Variants in THSD7A observed in about 807,000 individuals in gnomAD.
THSD7A encodes the protein thrombospondin type 1 domain containing 7A.
Under a neutral mutation model 231.3 loss-of-function variants are expected in THSD7A, and 96 were observed. The ratio of observed to expected loss-of-function variants is 0.41; its 90% CI spans 0.35 to 0.49. The LOEUF (loss-of-function observed/expected upper bound fraction) is 0.49. THSD7A is among the 20% of genes least tolerant of loss of function. The pLI is 0.05. For synonymous variants in THSD7A, 940 were observed against 743.3 expected (o/e 1.26, Z -4.30); for missense variants, 2,290 against 2,070.2 (o/e 1.11, Z -2.06).
intron 4 of THSD7A, among the ~76,000 whole-genome samples, chr7:11,582,715 AAT>A (rs1791218393): frequency 6.6e-6 from 1 of 152,176 alleles, no homozygotes; most frequent in Non-Finnish European, 1.5e-5. Context: ...CAGAACTCTG[AAT>A]ATATAATTAG....
chr7:11,768,696 A>T (rs1783107916), intron 1 of THSD7A, among the ~76,000 whole-genome samples: 1 of 152,138 alleles, frequency 6.6e-6, no homozygotes. Flanking sequence ...AATATTTTAT[A>T]CCTTAGTTTG....
intron 1 of THSD7A, among the ~76,000 whole-genome samples, chr7:11,691,814 A>G (rs1474117974): frequency 1.3e-5 from 2 of 151,478 alleles, no homozygotes; most frequent in Non-Finnish European, 3.0e-5. Context: ...AATGATATTG[A>G]AATAGAAAAA....
chr7:11,499,186 G>A (rs774035619), intron 6 of THSD7A, among the ~76,000 whole-genome samples: 5 of 152,160 alleles, frequency 3.3e-5, no homozygotes, highest in Admixed American at 6.5e-5. Flanking sequence ...ACTCCTGTGG[G>A]ATCCACACAC....
At chr7:11,395,772 C>T (rs1004893840) in intron 23 of THSD7A, among the ~76,000 whole-genome samples, 5 of 152,168 alleles carry the variant, frequency 3.3e-5, no homozygotes, top group Middle Eastern at 3.4e-3. Context: ...GTAATCCGCC[C>T]GCCTCGGCCT....
At position 11,593,335 on chromosome 7, in the gene THSD7A, A is replaced by G. The variant is rs115505710; in HGVS notation, c.1190T>C (p.Ile397Thr). 682 of 1,613,958 alleles carry G rather than the reference A, an allele frequency of 4.2e-4. 2 individuals are homozygous for G. The African/African-American group carries it at 8.4e-3, about 20-fold the overall frequency. The change falls in exon 3 of 28, where the codon ATT becomes ACT. Residue 397 changes from isoleucine to threonine, a missense_variant. Physicochemically the swap from Ile to Thr is moderately conservative, Grantham distance 89. Coordinates refer to ENST00000423059, the MANE Select transcript of THSD7A (RefSeq NM_015204.3). The stretch of plus-strand genomic sequence containing the variant: ...TTCTGGACACTCCTTTTCACTGCCA[A>G]TGGGAAACTGCCTGATGGTTCGTGT... ...VRTRTIRQFP[I>T]GSEKECPEFE...
chr7:11,565,647 CA>C (rs1390194736), intron 4 of THSD7A, among the ~76,000 whole-genome samples: 1 of 152,124 alleles, frequency 6.6e-6, no homozygotes, highest in Non-Finnish European at 1.5e-5. Flanking sequence ...AGTATGGCTC[CA>C]AAGATTTTGG....
At chr7:11,596,250 G>A (rs1250831141) in intron 2 of THSD7A, among the ~76,000 whole-genome samples, 1 of 152,174 alleles carries the variant, frequency 6.6e-6, no homozygotes, top group Non-Finnish European at 1.5e-5. Context: ...CATTGGGAAA[G>A]GGAAATGATC....
intron 1 of THSD7A, among the ~76,000 whole-genome samples, chr7:11,828,835 A>G (rs953105909): frequency 3.3e-5 from 5 of 152,240 alleles, no homozygotes; most frequent in Middle Eastern, 6.8e-3. Context: ...CTTGAACAAC[A>G]TGATTTGATT....
At chr7:11,597,330 G>A (rs1024814926) in intron 2 of THSD7A, among the ~76,000 whole-genome samples, 20 of 152,192 alleles carry the variant, frequency 1.3e-4, no homozygotes, top group African/African-American at 4.8e-4. Context: ...GGATTTTGGA[G>A]GGAACACATT....
intron 9 of THSD7A, among the ~76,000 whole-genome samples, chr7:11,466,502 G>A (rs1020457025): frequency 6.6e-6 from 1 of 152,032 alleles, no homozygotes; most frequent in African/African-American, 2.4e-5. Flanking sequence ...AAAGCATCTT[G>A]GCACTGTTAT....
intron 4 of THSD7A, among the ~76,000 whole-genome samples, chr7:11,549,240 C>T (rs1315105514): frequency 5.9e-5 from 9 of 152,002 alleles, no homozygotes; most frequent in Non-Finnish European, 4.4e-5. Flanking sequence ...AGTCAAGAAA[C>T]AATACATGCT....
intron 1 of THSD7A, among the ~76,000 whole-genome samples, chr7:11,774,784 A>G (rs1211845358): frequency 1.3e-5 from 2 of 152,198 alleles, no homozygotes; most frequent in Non-Finnish European, 2.9e-5. Context: ...GCCAGGTGCT[A>G]TGGCTCACAC....
At chr7:11,654,333 A>C (rs1782629115) in intron 1 of THSD7A, among the ~76,000 whole-genome samples, 1 of 151,956 alleles carries the variant, frequency 6.6e-6, no homozygotes, top group African/African-American at 2.4e-5. Context: ...AATTCTGATG[A>C]AAGGATGTGC....
intron 1 of THSD7A, among the ~76,000 whole-genome samples, chr7:11,761,176 A>T (rs1259979972): frequency 6.6e-6 from 1 of 151,870 alleles, no homozygotes; most frequent in Non-Finnish European, 1.5e-5. Context: ...TTTATATTCA[A>T]TTTTTAAAAA....
chr7:11,454,584 T>G (rs997152571), intron 11 of THSD7A, among the ~76,000 whole-genome samples: 2 of 151,654 alleles, frequency 1.3e-5, no homozygotes, highest in Non-Finnish European at 2.9e-5. Flanking sequence ...TTTTCAATTC[T>G]TCAGTGATTA....
intron 1 of THSD7A, among the ~76,000 whole-genome samples, chr7:11,825,497 C>T (rs1784999265): frequency 6.6e-6 from 1 of 152,080 alleles, no homozygotes; most frequent in Admixed American, 6.6e-5. Flanking sequence ...AGAAAAGATG[C>T]TTAAGAGAAG....
intron 1 of THSD7A, among the ~76,000 whole-genome samples, chr7:11,812,263 C>A (rs772108533): frequency 6.6e-6 from 1 of 151,792 alleles, no homozygotes; most frequent in East Asian, 1.9e-4. Flanking sequence ...TAAACTCCTG[C>A]GTTATTTACT....
intron 23 of THSD7A, among the ~76,000 whole-genome samples, chr7:11,401,175 T>C (rs1783389622): frequency 6.6e-6 from 1 of 152,208 alleles, no homozygotes; most frequent in South Asian, 2.1e-4. Context: ...TGTCATTTGA[T>C]TTAAATAAAT....
chr7:11,660,903 G>A (rs1232905571), intron 1 of THSD7A, among the ~76,000 whole-genome samples: 1 of 151,420 alleles, frequency 6.6e-6, no homozygotes, highest in Non-Finnish European at 1.5e-5. Flanking sequence ...TAAAACAACA[G>A]AGACATATTA....
Sources: gnomAD v4.1 joint callset for allele counts (sites outside exome capture counted in the v4.1 genomes callset) on GRCh38, gnomAD v4.1.1 for gene constraint, MANE v1.5 for transcripts, NCBI Gene and HGNC (gene_info 2026-07-23, HGNC 2026-07-21) for gene names.